The following ATP8A1 variants were observed in gnomAD, a reference collection of about 807,000 sequenced individuals.
The protein encoded by ATP8A1 is ATPase phospholipid transporting 8A1.
A neutral mutation model predicts 177.7 loss-of-function variants in ATP8A1; 90 were observed. The observed-to-expected ratio is 0.51, with a 90% CI of 0.43 to 0.60. The LOEUF (loss-of-function observed/expected upper bound fraction) is 0.60, where lower values mean the gene tolerates loss of function less well. ATP8A1 is among the 20% of genes least tolerant of loss of function. The probability of loss-of-function intolerance (pLI) is 0.00; values close to 1 mark genes in which losing one functional copy is unlikely to be tolerated. For missense variants in ATP8A1, 1,072 were observed against 1,392.8 expected (o/e 0.77, Z 3.67); for synonymous variants, 493 against 485.9 (o/e 1.01, Z -0.19).
intron 6 of ATP8A1, among the ~76,000 whole-genome samples, chr4:42,598,396 A>T (rs997540931): frequency 1.3e-5 from 2 of 152,112 alleles, no homozygotes; most frequent in Admixed American, 6.5e-5. Flanking sequence ...TCTACTCATC[A>T]ATGTCTATTT....
chr4:42,538,066 A>C (rs1424246408), intron 20 of ATP8A1, among the ~76,000 whole-genome samples: 1 of 152,256 alleles, frequency 6.6e-6, no homozygotes, highest in Non-Finnish European at 1.5e-5. Context: ...GTATAAAAAT[A>C]GGCATATAGA....
intron 1 of ATP8A1, among the ~76,000 whole-genome samples, chr4:42,633,556 A>C (rs1738965027): frequency 6.6e-6 from 1 of 152,212 alleles, no homozygotes; most frequent in South Asian, 2.1e-4. Context: ...GAAAAAGATA[A>C]TTACAGAACA....
chr4:42,545,456 T>C (rs1728803652), intron 19 of ATP8A1, among the ~76,000 whole-genome samples: 1 of 152,172 alleles, frequency 6.6e-6, no homozygotes, highest in South Asian at 2.1e-4. Flanking sequence ...AGTAGGTAGA[T>C]GTTGCTGAAG....
chr4:42,471,931 A>T (rs1720464340), intron 25 of ATP8A1: 1 of 659,748 alleles, frequency 1.5e-6, no homozygotes, highest in South Asian at 1.4e-5. Context: ...GGCTCAGCTC[A>T]GGAAGCTGAG....
intron 23 of ATP8A1, 65 bp downstream of exon 23, chr4:42,506,951 A>C: frequency 6.5e-7 from 1 of 1,529,742 alleles, no homozygotes; most frequent in Admixed American, 1.9e-5. Context: ...TCTCAAATCC[A>C]TCTTCTGAAC....
intron 27 of ATP8A1, among the ~76,000 whole-genome samples, chr4:42,460,491 G>T (rs753540600): frequency 6.9e-6 from 1 of 145,504 alleles, no homozygotes; most frequent in Non-Finnish European, 1.5e-5. Flanking sequence ...TGGTTCAAAT[G>T]AGTCTCCTGC....
At chr4:42,547,809 A>C (rs1017434999) in intron 19 of ATP8A1, among the ~76,000 whole-genome samples, 2 of 152,354 alleles carry the variant, frequency 1.3e-5, no homozygotes, top group Middle Eastern at 3.4e-3. Context: ...TAATCAAGAC[A>C]GCAACAAAAG....
Position 42,627,075 on chromosome 4 carries a change from G to A in ATP8A1, c.84C>T (p.Thr28=). Residue 28 remains threonine (T), a synonymous_variant, in exon 2 of 37, where the codon ACC becomes ACT. Transcript: ENST00000381668. ...YEKTDDVSEK[T]SLADQEEVRT... ...TTACTTCCTCCTGGTCAGCCAGTGA[G>A]GTCTTCTCTGAAACATCATCTGTCT... 1.2e-6 allele frequency: 2 copies of A among 1,614,018 alleles called. No individual in the cohort carries two copies. The highest frequency in any genetic ancestry group is 1.7e-6 in the Non-Finnish European group (2 of 1,179,922).
chr4:42,509,114 T>C (rs1724731922), intron 22 of ATP8A1, among the ~76,000 whole-genome samples: 1 of 152,244 alleles, frequency 6.6e-6, no homozygotes, highest in Non-Finnish European at 1.5e-5. Context: ...AGTACTGAAC[T>C]GGGCAGTTGT....
At chr4:42,479,996 T>TTG (rs376966152) in intron 25 of ATP8A1, among the ~76,000 whole-genome samples, 22,665 of 135,526 alleles carry the variant, frequency 0.17, 2,159 homozygotes, top group South Asian at 0.27. Context: ...GCAGTTCTGC[T>TTG]TGTGTGTGTG....
intron 21 of ATP8A1, among the ~76,000 whole-genome samples, chr4:42,522,694 G>C (rs6447165): frequency 0.11 from 16,236 of 152,038 alleles, 1,582 homozygotes; most frequent in African/African-American, 0.26. Flanking sequence ...TTCCCACATA[G>C]GGGGGTCTTT....
At chr4:42,435,732 G>A (rs1158552611) in intron 33 of ATP8A1, among the ~76,000 whole-genome samples, 1 of 152,126 alleles carries the variant, frequency 6.6e-6, no homozygotes, top group African/African-American at 2.4e-5. Flanking sequence ...ATGGGCACCT[G>A]CTACTCCTTG....
intron 25 of ATP8A1, among the ~76,000 whole-genome samples, chr4:42,467,040 A>C (rs1719847678): frequency 6.6e-6 from 1 of 152,254 alleles, no homozygotes; most frequent in African/African-American, 2.4e-5. Flanking sequence ...AGAACTAGGA[A>C]ACAGTGGTAC....
At chr4:42,574,229 T>A (rs1732185585) in intron 14 of ATP8A1, among the ~76,000 whole-genome samples, 1 of 151,996 alleles carries the variant, frequency 6.6e-6, no homozygotes, top group Non-Finnish European at 1.5e-5. Flanking sequence ...AAAAAAAGTA[T>A]CAAAAGGGGT....
chr4:42,513,838 G>A (rs764010660), intron 22 of ATP8A1, among the ~76,000 whole-genome samples: 1 of 152,140 alleles, frequency 6.6e-6, no homozygotes, highest in Non-Finnish European at 1.5e-5. Flanking sequence ...GACAAAAGAA[G>A]CCTGCATGAC....
intron 5 of ATP8A1, among the ~76,000 whole-genome samples, chr4:42,610,480 C>T (rs1009042606): frequency 4.6e-5 from 7 of 151,362 alleles, no homozygotes; most frequent in African/African-American, 1.2e-4. Context: ...TGCACATACA[C>T]GAATAAAGCA....
Position 42,485,559 on chromosome 4 carries a change from G to A in ATP8A1, c.2261C>T (p.Thr754Ile), listed in dbSNP as rs750809374. The change falls in exon 25 of 37, where the codon ACC becomes ATC. Residue 754 changes from threonine to isoleucine, a missense_variant. Physicochemically the swap from Thr to Ile is moderately conservative, Grantham distance 89. Coordinates refer to ENST00000381668, the MANE Select transcript of ATP8A1 (RefSeq NM_006095.2). ...IDGKTLKYAL[T>I]FGVRQYFLDL... is the part of the protein sequence containing the mutation. Reference sequence around the variant, plus strand: ...CAGGAAATACTGTCGTACTCCAAAGGTTAAGGCATATTTGAGGGTTTTCCC... The same window carrying A: ...CAGGAAATACTGTCGTACTCCAAAGATTAAGGCATATTTGAGGGTTTTCCC... 8 of 1,613,790 alleles carry A rather than the reference G, an allele frequency of 5.0e-6. No homozygotes were observed. The highest frequency in any genetic ancestry group is 1.3e-5 in the African/African-American group (1 of 75,016).
chr4:42,473,286 T>C (rs1417466997), intron 25 of ATP8A1, among the ~76,000 whole-genome samples: 9 of 152,198 alleles, frequency 5.9e-5, no homozygotes, highest in African/African-American at 2.2e-4. Context: ...TTAAGGACTT[T>C]TATTGAGGTA....
At chr4:42,588,424 T>G (rs1406060007) in intron 7 of ATP8A1, 95 bp from the exon 8 acceptor site, 1 of 1,011,078 alleles carries the variant, frequency 9.9e-7, no homozygotes, top group African/African-American at 1.6e-5. Flanking sequence ...AAGCCTTTCG[T>G]TCTAGACAAA....
Sources: gnomAD v4.1 joint callset for allele counts (sites outside exome capture counted in the v4.1 genomes callset) on GRCh38, gnomAD v4.1.1 for gene constraint, MANE v1.5 for transcripts, NCBI Gene and HGNC (gene_info 2026-07-23, HGNC 2026-07-21) for gene names.